The following MAML1 variants were observed in gnomAD, a reference collection of about 807,000 sequenced individuals.
The protein encoded by MAML1 is mastermind like transcriptional coactivator 1, also known as mastermind-like protein 1.
In MAML1, 14 loss-of-function variants were observed where a neutral mutation model predicts 77.1. The observed-to-expected ratio is 0.18, with a 90% CI of 0.12 to 0.28. MAML1 has a LOEUF of 0.28. Ranked by LOEUF, MAML1 falls within the 10% of genes least tolerant of loss-of-function variation. MAML1 has a pLI of 1.00. For missense variants in MAML1, 1,217 were observed against 1,327.8 expected, an observed-to-expected ratio of 0.92 and a Z score of 1.30; for synonymous variants, 516 against 551.9, an observed-to-expected ratio of 0.93 and a Z score of 0.91.
intron 1 of MAML1, among the ~76,000 whole-genome samples, chr5:179,756,209 A>C (rs1049852165): frequency 6.6e-6 from 1 of 151,308 alleles, no homozygotes; most frequent in African/African-American, 2.4e-5. Context: ...GTGGATCACG[A>C]GGTCAGGAGA....
intron 1 of MAML1, among the ~76,000 whole-genome samples, chr5:179,756,453 T>C (rs1779619786): frequency 6.7e-6 from 1 of 149,766 alleles, no homozygotes; most frequent in South Asian, 2.1e-4. Context: ...AAAAAAAAAT[T>C]AGGCGGTCAC....
chr5:179,733,254 C>T lies in MAML1; in HGVS notation c.142C>T (p.Arg48Cys). ...EARYEAVSPE[R>C]LELERQHTFA... ...CCGCTACGAGGCCGTGTCGCCCGAG[C>T]GCCTGGAGCTGGAGCGCCAACACAC... The change falls in exon 1 of 5, where the codon CGC (arginine) becomes TGC (cysteine). Residue 48 changes from arginine (R) to cysteine (C), a missense_variant. This residue lies in a region of MAML1 where 312 missense variants were observed against 331.4 expected (regional missense o/e 0.94). Coordinates refer to ENST00000292599, the MANE Select transcript of MAML1 (RefSeq NM_014757.5). 1 of 1,471,432 alleles carries T rather than the reference C, an allele frequency of 6.8e-7. No individual in the cohort carries two copies. The highest frequency in any genetic ancestry group is 9.0e-7 in the Non-Finnish European group (1 of 1,114,020). 91.1% of individuals were successfully genotyped at this position (1,471,432 alleles called of 1,614,324 possible).
In MAML1 at chr5:179,776,193, G is replaced by A; in HGVS notation, c.*1316G>A. ...AGGGTGAGACCCTTTTACACAGAAT[G>A]GTGGAGAGAAAAGAGAATGCTGAAA... On this transcript the variant is annotated 3_prime_UTR_variant, in exon 5 of 5. Coordinates refer to ENST00000292599, the MANE Select transcript of MAML1 (RefSeq NM_014757.5). 1 of 985,892 alleles carries A rather than the reference G, an allele frequency of 1.0e-6. No homozygotes were observed. The highest frequency in any genetic ancestry group is 1.2e-6 in the Non-Finnish European group (1 of 829,956). The allele number at this position is 985,892 out of a possible 1,614,324, so 61.1% of individuals were successfully genotyped here. A position where few individuals can be genotyped will look rare whatever the true frequency, so the allele number is the denominator to read the frequency against.
intron 1 of MAML1, among the ~76,000 whole-genome samples, chr5:179,739,090 C>T (rs2113333695): frequency 6.6e-6 from 1 of 152,292 alleles, no homozygotes; most frequent in South Asian, 2.1e-4. Flanking sequence ...AATATTTGAG[C>T]ACCTGCTGTG....
rs1473484687 is a variant in MAML1 at position 179,768,836 on chromosome 5, A to G, written c.1732-14A>G. ...GAGCTTAGAGACTTCACAGTCCCCT[A>G]TCTGTGTTGACAGGAGCAGAACCCT... On this transcript the variant is annotated splice_polypyrimidine_tract_variant and intron_variant, in intron 2 of 4. Coordinates refer to ENST00000292599, the MANE Select transcript of MAML1 (RefSeq NM_014757.5). The G allele has an allele frequency of 1.9e-6, 3 of 1,613,750 alleles. No homozygotes were observed. The highest frequency in any genetic ancestry group is 1.1e-5 in the South Asian group (1 of 91,078).
intron 1 of MAML1, among the ~76,000 whole-genome samples, chr5:179,753,224 C>T (rs74757267): frequency 0.034 from 836 of 24,272 alleles, 7 homozygotes; most frequent in East Asian, 0.08. Flanking sequence ...TGTGTGTGTG[C>T]GCGCGCGCGC....
rs562845368 is a variant in MAML1 at position 179,756,191 on chromosome 5, C to T, written c.316-9135C>T. ...CTGTAATCCCAGCACTTTTGGAGGC[C>T]GAGGCAGGTGGATCACGAGGTCAGG... On this transcript the variant is annotated intron_variant, in intron 1 of 4. Transcript: ENST00000292599. Among the ~76,000 whole-genome samples, 46 of 150,856 alleles carry T rather than the reference C, an allele frequency of 3.0e-4. 1 individual carries two copies. In the South Asian group the frequency reaches 9.5e-3, roughly 31 times the overall value.
chr5:179,761,099 A>AAAGAG (rs143634808), intron 1 of MAML1, among the ~76,000 whole-genome samples: 1 of 150,266 alleles, frequency 6.7e-6, no homozygotes, highest in Non-Finnish European at 1.5e-5. Context: ...GTCTCAAAAA[A>AAAGAG]AAGATGGAAG....
chr5:179,753,645 A>ATTTT (rs1562560334), intron 1 of MAML1, among the ~76,000 whole-genome samples: 3 of 41,664 alleles, frequency 7.2e-5, no homozygotes, highest in Non-Finnish European at 1.4e-4. Context: ...TTGTTTTATT[A>ATTTT]TTATTATTAT....
chr5:179,745,884 AT>A (rs1424145494), intron 1 of MAML1, among the ~76,000 whole-genome samples: 5 of 138,826 alleles, frequency 3.6e-5, no homozygotes, highest in Middle Eastern at 3.9e-3. Context: ...AAAAAAAAAA[AT>A]TAGCCGGGCG....
At chr5:179,756,434 C>CAAAA (rs562720688) in intron 1 of MAML1, among the ~76,000 whole-genome samples, 1 of 108,212 alleles carries the variant, frequency 9.2e-6, no homozygotes, top group Non-Finnish European at 1.8e-5. Context: ...GACTCTGTCT[C>CAAAA]AAAAAAAAAA....
rs1298271505 is a variant in MAML1, at chr5:179,766,111, A to G, written c.1101A>G (p.Ser367=). The G allele has an allele frequency of 6.3e-7, 1 of 1,577,820 alleles. No homozygotes were observed. The highest frequency in any genetic ancestry group is 1.9e-5 in the Admixed American group (1 of 53,728). ...DNPSPNLMPA[S]AQAQNAQRAL... The stretch of plus-strand genomic sequence containing the variant: ...CCAGTCCAAACCTGATGCCGGCATC[A>G]GCCCAGGCCCAGAACGCACAAAGAG... The change falls in exon 2 of 5, where the codon TCA becomes TCG. Residue 367 remains serine (S), a synonymous_variant. Transcript: ENST00000292599. This position sits in a 1 kb window ranked among gnomAD's most constrained non-coding sequence, Gnocchi z 4.0.
At chr5:179,750,536 C>T (rs1166720715) in intron 1 of MAML1, among the ~76,000 whole-genome samples, 1 of 152,180 alleles carries the variant, frequency 6.6e-6, no homozygotes, top group Non-Finnish European at 1.5e-5. Context: ...TCTAGGCTCA[C>T]TGCAACTTCT....
Position 179,776,453 on chromosome 5 carries a change from C to G in MAML1, c.*1576C>G, listed in dbSNP as rs929522761. ...TACTTGGACCCTCAGATCTTCTTTT[C>G]TAATAGCCATTTGCCACCCCAAGTG... On this transcript the variant is annotated 3_prime_UTR_variant, in exon 5 of 5. Transcript: ENST00000292599. 1.6e-5 allele frequency: 16 copies of G among 985,764 alleles called. No homozygotes were observed. Among genetic ancestry groups the G allele is most frequent in the African/African-American group, 1.7e-5 (1 of 57,244 alleles). The allele number at this position is 985,764 out of a possible 1,614,324, so 61.1% of individuals were successfully genotyped here.
chr5:179,765,339 C>G lies in MAML1; in HGVS notation c.329C>G (p.Thr110Arg), dbSNP rs376219588. The part of the protein sequence containing the change: ...HGRPATHLHD[T>R]VKRNLDSATS... ...AATGTTTTTCAGCATCTTCATGATA[C>G]AGTTAAGAGGAATCTTGACAGCGCC... is the stretch of plus-strand genomic sequence containing the variant. Residue 110 changes from threonine (T) to arginine (R), a missense_variant, in exon 2 of 5, where the codon ACA (threonine) becomes AGA (arginine). Physicochemically the swap from Thr to Arg is moderately conservative, Grantham distance 71. Around this residue, in one of 3 missense-constraint regions of MAML1, gnomAD observed 312 missense variants for 331.4 expected, o/e 0.94. Coordinates refer to ENST00000292599, the MANE Select transcript of MAML1 (RefSeq NM_014757.5). 1.3e-6 allele frequency: 2 copies of G among 1,595,502 alleles called. No homozygotes were observed. Among genetic ancestry groups the G allele is most frequent in the African/African-American group, 2.7e-5 (2 of 73,804 alleles).
intron 1 of MAML1, among the ~76,000 whole-genome samples, chr5:179,750,234 T>A (rs544839428): frequency 6.6e-6 from 1 of 152,376 alleles, no homozygotes; most frequent in East Asian, 1.9e-4. Flanking sequence ...TGTGCTCTTA[T>A]CTCCTGCGGA....
In MAML1 at chr5:179,766,103, C is replaced by T. The variant is rs761066690; in HGVS notation, c.1093C>T (p.Pro365Ser). Residue 365 changes from proline to serine, a missense_variant, in exon 2 of 5, where the codon CCG (proline) becomes TCG (serine). Physicochemically the swap from Pro to Ser is moderately conservative, Grantham distance 74 (BLOSUM62 -1). Coordinates refer to ENST00000292599, the MANE Select transcript of MAML1 (RefSeq NM_014757.5). The surrounding 1 kb of genome is among the most constrained non-coding windows in gnomAD (Gnocchi z 4.0). ...RADNPSPNLM[P>S]ASAQAQNAQR... ...GGACAATCCCAGTCCAAACCTGATGCCGGCATCAGCCCAGGCCCAGAACGC... is the reference window on the plus strand; with the variant it reads ...GGACAATCCCAGTCCAAACCTGATGTCGGCATCAGCCCAGGCCCAGAACGC... 1.9e-6 allele frequency: 3 copies of T among 1,579,624 alleles called. No individual in the cohort carries two copies. The highest frequency in any genetic ancestry group is 3.7e-5 in the Admixed American group (2 of 54,252).
At chr5:179,773,853 G>T in intron 4 of MAML1, 42 bp from the exon 5 acceptor site, 1 of 1,573,536 alleles carries the variant, frequency 6.4e-7, no homozygotes, top group African/African-American at 1.3e-5. Context: ...GGGACCCAGT[G>T]GTGGTCGACT....
At chr5:179,738,925 C>T (rs1779225054) in intron 1 of MAML1, among the ~76,000 whole-genome samples, 1 of 151,538 alleles carries the variant, frequency 6.6e-6, no homozygotes, top group South Asian at 2.1e-4. Context: ...GGACTACAGG[C>T]GTGAGCCACC....
Sources: gnomAD v4.1 joint callset for allele counts (sites outside exome capture counted in the v4.1 genomes callset) on GRCh38, gnomAD v4.1.1 for gene constraint, gnomAD v4.1.1 regional missense constraint, Gnocchi (gnomAD v3.1) non-coding constraint, MANE v1.5 for transcripts, NCBI Gene and HGNC (gene_info 2026-07-23, HGNC 2026-07-21) for gene names.